The following MELTF variants were observed in gnomAD, a reference collection of about 807,000 sequenced individuals.
MELTF encodes melanotransferrin, also known as antigen p97 (melanoma associated) identified by monoclonal antibodies 133.2 and 96.5.
MELTF carries 67 observed loss-of-function variants against 83.7 expected under a neutral mutation model. That is an observed-to-expected ratio of 0.80 (90% CI 0.66 to 0.98). The LOEUF (loss-of-function observed/expected upper bound fraction) is 0.98, where lower values mean the gene tolerates loss of function less well. Ranked by LOEUF, MELTF falls within the 50% of genes least tolerant of loss-of-function variation. The pLI is 0.00. For synonymous variants in MELTF, 462 were observed against 447.6 expected (o/e 1.03, Z -0.41); for missense variants, 1,002 against 1,035.6 (o/e 0.97, Z 0.44).
chr3:197,009,741 C>A lies in MELTF; in HGVS notation c.1402G>T (p.Asp468Tyr), dbSNP rs767709260. The part of the protein sequence containing the change: ...RRDSSHAFTL[D>Y]ELRGKRSCHA... The stretch of plus-strand genomic sequence containing the variant: ...CAGGAGCGCTTGCCCCGAAGCTCAT[C>A]CAAGGTGAAGGCGTGGGAGCTGTCC... The change falls in exon 11 of 16, where the codon GAT (aspartate) becomes TAT (tyrosine). Residue 468 changes from aspartate to tyrosine, a missense_variant. Asp to Tyr is a radical substitution (Grantham distance 160, BLOSUM62 -3). Coordinates refer to ENST00000296350, the MANE Select transcript of MELTF (RefSeq NM_005929.6). The A allele has an allele frequency of 3.7e-6, 6 of 1,613,624 alleles. No individual in the cohort carries two copies. Among genetic ancestry groups the A allele is most frequent in the Non-Finnish European group, 5.1e-6 (6 of 1,180,032 alleles).
intron 3 of MELTF, chr3:197,025,730 G>C: frequency 6.6e-6 from 1 of 152,392 alleles, no homozygotes; most frequent in South Asian, 2.1e-4. Context: ...GGGTTGGACT[G>C]TGCCGTGTGT....
chr3:197,022,825 T>C lies in MELTF; in HGVS notation c.644+132A>G, dbSNP rs1719675949. On this transcript the variant is annotated intron_variant, in intron 5 of 15. Transcript: ENST00000296350. This position sits in a 1 kb window ranked among gnomAD's most constrained non-coding sequence, Gnocchi z 5.1. ...CCAGGGCACAGAACTATATAAAGGGTGCTTTGATGAGACGCAGCCAACATG... is the reference window on the plus strand; with the variant it reads ...CCAGGGCACAGAACTATATAAAGGGCGCTTTGATGAGACGCAGCCAACATG... 5 of 819,018 alleles carry C rather than the reference T, an allele frequency of 6.1e-6. No individual in the cohort carries two copies. The highest frequency in any genetic ancestry group is 9.9e-6 in the Non-Finnish European group (5 of 504,638). 50.7% of individuals were successfully genotyped at this position (819,018 alleles called of 1,614,324 possible).
rs1719418865 is a variant in MELTF, at chr3:197,017,291, CTGGGAAGCAGGAAGCCT to C, written c.713-18_713-2del. On this transcript the variant is annotated splice_acceptor_variant and splice_polypyrimidine_tract_variant and intron_variant, in intron 6 of 15. Transcript: ENST00000296350. LOFTEE classifies it high-confidence loss of function. Reference sequence around the variant, plus strand: ...TGGCCCCAGGAGGGAAGCGTCTTCCCTGGGAAGCAGGAAGCCTGGGCTGAGCCAGCTCCGAAAGGGGT... The same window carrying C: ...TGGCCCCAGGAGGGAAGCGTCTTCCCGGGCTGAGCCAGCTCCGAAAGGGGT... 1.3e-6 allele frequency: 2 copies of C among 1,536,604 alleles called. No homozygotes were observed. The highest frequency in any genetic ancestry group is 1.8e-6 in the Non-Finnish European group (2 of 1,138,912).
At position 197,002,475 on chromosome 3, in the gene MELTF, C is replaced by CGGGGTCGGGTGA; in HGVS notation, c.*896_*897insTCACCCGACCCC. The CGGGGTCGGGTGA allele has an allele frequency of 6.6e-6, 1 of 152,250 alleles. No homozygotes were observed. The highest frequency in any genetic ancestry group is 2.1e-4 in the South Asian group (1 of 4,820). The allele number at this position is 152,250 out of a possible 1,614,324, so 9.4% of individuals were successfully genotyped here. ...GAGGGGTCCCCAGGCCCAGCGGGTG[C>CGGGGTCGGGTGA]GGGGCCGGGTGAGGAGACGGAGCTC... On this transcript the variant is annotated 3_prime_UTR_variant, in exon 16 of 16. Coordinates refer to ENST00000296350, the MANE Select transcript of MELTF (RefSeq NM_005929.6).
At chr3:197,026,845 C>G (rs1212591461) in intron 2 of MELTF, 86 bp from the exon 3 acceptor site, 3 of 1,201,634 alleles carry the variant, frequency 2.5e-6, no homozygotes, top group Non-Finnish European at 3.6e-6. Flanking sequence ...GGCCTGGGGC[C>G]CCACCCCAAG....
rs1216421349 is a variant in MELTF at position 197,003,167 on chromosome 3, TGGCGG to T, written c.*200_*204del. The T allele has an allele frequency of 2.4e-6, 1 of 420,614 alleles. No homozygotes were observed. Among genetic ancestry groups the T allele is most frequent in the Non-Finnish European group, 3.2e-6 (1 of 312,230 alleles). The allele number at this position is 420,614 out of a possible 1,614,324, so 26.1% of individuals were successfully genotyped here. On this transcript the variant is annotated 3_prime_UTR_variant, in exon 16 of 16. Transcript: ENST00000296350. This position sits in a 1 kb window ranked among gnomAD's most constrained non-coding sequence, Gnocchi z 6.2. ...GCTCCAGGTGGCGGGAGGCGGCGGT[TGGCGG>T]GAAGGGCCGCGCGGGCCCGGGGGCG...
At chr3:197,013,939 C>T (rs567025927) in intron 9 of MELTF, among the ~76,000 whole-genome samples, 17 of 152,332 alleles carry the variant, frequency 1.1e-4, no homozygotes, top group African/African-American at 3.6e-4. Flanking sequence ...GAAAACAGTA[C>T]GGAAGTCCCT....
In MELTF at chr3:197,008,865, G is replaced by A. The variant is rs753279659; in HGVS notation, c.1626C>T (p.Arg542=). 8 of 1,614,152 alleles carry A rather than the reference G, an allele frequency of 5.0e-6. No homozygotes were observed. Among genetic ancestry groups the A allele is most frequent in the Non-Finnish European group, 6.8e-6 (8 of 1,180,018 alleles). The part of the protein sequence containing the change: ...CALCVGDEQG[R]NKCVGNSQER... Reference sequence around the variant, plus strand: ...CCTGGCTGTTGCCCACACACTTGTTGCGGCCCTGCTCGTCCCCCACGCACA... The same window carrying A: ...CCTGGCTGTTGCCCACACACTTGTTACGGCCCTGCTCGTCCCCCACGCACA... The change falls in exon 12 of 16, where the codon CGC becomes CGT. Residue 542 remains arginine, a synonymous_variant. Coordinates refer to ENST00000296350, the MANE Select transcript of MELTF (RefSeq NM_005929.6). The surrounding 1 kb of genome is among the most constrained non-coding windows in gnomAD (Gnocchi z 5.4).
intron 6 of MELTF, among the ~76,000 whole-genome samples, chr3:197,018,003 G>A (rs957311327): frequency 2.0e-5 from 3 of 152,232 alleles, no homozygotes; most frequent in Non-Finnish European, 4.4e-5. Flanking sequence ...CCGGAGCAGG[G>A]GCCACGGTGG....
Position 197,007,945 on chromosome 3 carries a change from C to T in MELTF, c.1750+712G>A, listed in dbSNP as rs1719037709. The stretch of plus-strand genomic sequence containing the variant: ...CCTCCAGCATTTGGGGTTTCAAAGC[C>T]TGGGGTGTAGGCAGGGTATGCAGAC... On this transcript the variant is annotated intron_variant, in intron 13 of 15. Transcript: ENST00000296350. The surrounding 1 kb of genome is among the most constrained non-coding windows in gnomAD (Gnocchi z 4.3). 6.6e-6 allele frequency among the ~76,000 whole-genome samples: 1 copy of T among 152,170 alleles called. No homozygotes were observed. The highest frequency in any genetic ancestry group is 2.4e-5 in the African/African-American group (1 of 41,428).
At chr3:197,017,792 G>A (rs1388408451) in intron 6 of MELTF, among the ~76,000 whole-genome samples, 2 of 152,170 alleles carry the variant, frequency 1.3e-5, no homozygotes, top group African/African-American at 2.4e-5. Flanking sequence ...CAGGAGAATG[G>A]TGTGAACCTG....
chr3:197,004,464 TCC>T (rs1718905491), intron 14 of MELTF: 1 of 312,476 alleles, frequency 3.2e-6, no homozygotes, highest in Non-Finnish European at 6.2e-6. Flanking sequence ...CTTGGCCTTT[TCC>T]ATAAGGCTTT....
At chr3:197,017,435 C>T in intron 6 of MELTF, 145 bp from the exon 7 acceptor site, 1 of 687,470 alleles carries the variant, frequency 1.5e-6, no homozygotes, top group East Asian at 2.8e-5. Flanking sequence ...AGCTTGGTGG[C>T]CGCACCCAAC....
rs1303050917 is a variant in MELTF at position 197,003,515 on chromosome 3, G to A, written c.2138-64C>T. 1.3e-5 allele frequency: 13 copies of A among 1,028,442 alleles called. No individual in the cohort carries two copies. The African/African-American group carries it at 1.4e-4, about 11-fold the overall frequency. The allele number at this position is 1,028,442 out of a possible 1,614,324, so 63.7% of individuals were successfully genotyped here. A position where few individuals can be genotyped will look rare whatever the true frequency, so the allele number is the denominator to read the frequency against. The stretch of plus-strand genomic sequence containing the variant: ...GCCGCGGTGGCCGCCTCAGGCGCCC[G>A]CTCTGGGGTGGGGGTGGGGGCATCT... On this transcript the variant is annotated intron_variant, in intron 15 of 15. Transcript: ENST00000296350. This position sits in a 1 kb window ranked among gnomAD's most constrained non-coding sequence, Gnocchi z 6.2.
At position 197,004,103 on chromosome 3, in the gene MELTF, G is replaced by A. The variant is rs1169417985; in HGVS notation, c.1939-4C>T. On this transcript the variant is annotated splice_region_variant and splice_polypyrimidine_tract_variant and intron_variant, in intron 14 of 15. Transcript: ENST00000296350. ...TGTGGTCGTCTCCAAACAGGTCCTGGAAGCACCGCAGGCAGACGACCTGCT... is the reference window on the plus strand; with the variant it reads ...TGTGGTCGTCTCCAAACAGGTCCTGAAAGCACCGCAGGCAGACGACCTGCT... 1 of 1,613,954 alleles carries A rather than the reference G, an allele frequency of 6.2e-7. No homozygotes were observed. Among genetic ancestry groups the A allele is most frequent in the African/African-American group, 1.3e-5 (1 of 74,938 alleles).
chr3:197,027,300 C>T (rs936241322), intron 2 of MELTF, among the ~76,000 whole-genome samples: 2 of 152,224 alleles, frequency 1.3e-5, no homozygotes, highest in Admixed American at 6.5e-5. Flanking sequence ...GGTGGTGCCT[C>T]GGAGGATTGT....
intron 14 of MELTF, among the ~76,000 whole-genome samples, chr3:197,005,600 TGA>T (rs1338597577): frequency 6.7e-6 from 1 of 150,246 alleles, no homozygotes; most frequent in African/African-American, 2.5e-5. Flanking sequence ...GGCCAGAGAG[TGA>T]GAGGACAGCC....
At position 197,003,809 on chromosome 3, in the gene MELTF, C is replaced by T; in HGVS notation, c.2137+92G>A. 1 of 1,412,860 alleles carries T rather than the reference C, an allele frequency of 7.1e-7. No individual in the cohort carries two copies. Among genetic ancestry groups the T allele is most frequent in the Non-Finnish European group, 9.7e-7 (1 of 1,034,376 alleles). The allele number at this position is 1,412,860 out of a possible 1,614,324, so 87.5% of individuals were successfully genotyped here. ...CTGCGAACGGGCCTCCACCCGCCTC[C>T]CCGGACCCGCAGCGCCCCCCGCTCC... On this transcript the variant is annotated intron_variant, in intron 15 of 15. Coordinates refer to ENST00000296350, the MANE Select transcript of MELTF (RefSeq NM_005929.6). This position sits in a 1 kb window ranked among gnomAD's most constrained non-coding sequence, Gnocchi z 6.2.
chr3:197,024,474 A>C lies in MELTF; in HGVS notation c.316T>G (p.Ser106Ala). The C allele has an allele frequency of 6.3e-7, 1 of 1,586,708 alleles. No individual in the cohort carries two copies. The highest frequency in any genetic ancestry group is 8.6e-7 in the Non-Finnish European group (1 of 1,160,712). Residue 106 changes from serine (S) to alanine (A), a missense_variant, in exon 4 of 16, where the codon TCC becomes GCC. Coordinates refer to ENST00000296350, the MANE Select transcript of MELTF (RefSeq NM_005929.6). This position sits in a 1 kb window ranked among gnomAD's most constrained non-coding sequence, Gnocchi z 5.3. Reference protein sequence around the residue: ...GEVYDQEVGTSYYAVAVVRRS... With the variant: ...GEVYDQEVGTAYYAVAVVRRS... ...CTGACCACAGCCACGGCGTAATAGGAGGTACCGACCTCTAGGAGGGGAGGG... is the reference window on the plus strand; with the variant it reads ...CTGACCACAGCCACGGCGTAATAGGCGGTACCGACCTCTAGGAGGGGAGGG...
Sources: gnomAD v4.1 joint callset for allele counts (sites outside exome capture counted in the v4.1 genomes callset) on GRCh38, gnomAD v4.1.1 for gene constraint, Gnocchi (gnomAD v3.1) non-coding constraint, MANE v1.5 for transcripts, NCBI Gene and HGNC (gene_info 2026-07-23, HGNC 2026-07-21) for gene names.